UBE3D: variants seen among roughly 807,000 people sequenced by gnomAD.
UBE3D encodes E3 ubiquitin-protein ligase E3D.
In UBE3D, 48 loss-of-function variants were observed where a neutral mutation model predicts 49.6. The ratio of observed to expected loss-of-function variants is 0.97; its 90% CI spans 0.77 to 1.23. The LOEUF (loss-of-function observed/expected upper bound fraction) is 1.23. Among genes scored for constraint, UBE3D ranks in the 50% most tolerant of loss-of-function variants. The pLI is 0.00. For synonymous variants in UBE3D, 189 were observed against 174.2 expected (o/e 1.08, Z -0.67); for missense variants, 452 against 468.4 (o/e 0.96, Z 0.32).
intron 9 of UBE3D, among the ~76,000 whole-genome samples, chr6:82,936,983 C>G (rs1020108397): frequency 3.3e-5 from 5 of 152,184 alleles, no homozygotes; most frequent in Non-Finnish European, 7.3e-5. Context: ...GGTTTCATAA[C>G]AGTCATGAAG....
intron 8 of UBE3D, among the ~76,000 whole-genome samples, chr6:82,968,849 T>C (rs1777136676): frequency 6.6e-6 from 1 of 152,206 alleles, no homozygotes; most frequent in African/African-American, 2.4e-5. Flanking sequence ...TGAATTACAT[T>C]TTAAAAATTT....
chr6:83,035,786 T>G (rs867748554), intron 5 of UBE3D, among the ~76,000 whole-genome samples: 1 of 152,298 alleles, frequency 6.6e-6, no homozygotes, highest in East Asian at 1.9e-4. Context: ...GGTATTTTTG[T>G]TATTGGATAA....
At chr6:82,939,281 G>A (rs1440337236) in intron 9 of UBE3D, among the ~76,000 whole-genome samples, 2 of 152,144 alleles carry the variant, frequency 1.3e-5, no homozygotes, top group East Asian at 3.9e-4. Flanking sequence ...ACTGAATTGG[G>A]CTAGGTAGCC....
chr6:83,040,202 G>A (rs1375254074), intron 4 of UBE3D, among the ~76,000 whole-genome samples: 1 of 152,012 alleles, frequency 6.6e-6, no homozygotes. Flanking sequence ...GACCAACATG[G>A]TGAAACCCCT....
chr6:82,931,735 C>T (rs893502497), intron 9 of UBE3D, among the ~76,000 whole-genome samples: 38 of 152,170 alleles, frequency 2.5e-4, no homozygotes, highest in Admixed American at 1.4e-3. Context: ...TAGGAAGTAA[C>T]TAACTTGCTT....
At chr6:82,994,540 G>C (rs1779112919) in intron 8 of UBE3D, among the ~76,000 whole-genome samples, 1 of 152,150 alleles carries the variant, frequency 6.6e-6, no homozygotes, top group African/African-American at 2.4e-5. Context: ...ACAGAGGCAG[G>C]GGTATGATTG....
intron 8 of UBE3D, among the ~76,000 whole-genome samples, chr6:82,985,686 G>A (rs148057943): frequency 3.3e-5 from 5 of 152,182 alleles, no homozygotes; most frequent in African/African-American, 1.2e-4. Flanking sequence ...TTAAACCTCT[G>A]ATCTATTTGA....
At chr6:82,986,979 C>T (rs1778564502) in intron 8 of UBE3D, among the ~76,000 whole-genome samples, 1 of 151,790 alleles carries the variant, frequency 6.6e-6, no homozygotes, top group Admixed American at 6.6e-5. Context: ...GAGTCTTGAT[C>T]CGTCGCCCAG....
At chr6:83,027,628 C>T (rs1021601569) in intron 5 of UBE3D, among the ~76,000 whole-genome samples, 1 of 152,038 alleles carries the variant, frequency 6.6e-6, no homozygotes, top group Non-Finnish European at 1.5e-5. Flanking sequence ...TTCAGACTTC[C>T]ATTACTGCTG....
At chr6:82,970,373 TA>T (rs538664550) in intron 8 of UBE3D, among the ~76,000 whole-genome samples, 65 of 151,936 alleles carry the variant, frequency 4.3e-4, no homozygotes, top group Non-Finnish European at 8.0e-4. Context: ...GTATTGCTAA[TA>T]AAAAAAATTT....
chr6:83,033,775 C>T (rs1782049150), intron 5 of UBE3D, among the ~76,000 whole-genome samples: 1 of 152,288 alleles, frequency 6.6e-6, no homozygotes, highest in African/African-American at 2.4e-5. Flanking sequence ...ATTACCCAGT[C>T]TTGGGTATTT....
At chr6:83,042,012 C>T (rs1249730813) in intron 4 of UBE3D, among the ~76,000 whole-genome samples, 1 of 151,986 alleles carries the variant, frequency 6.6e-6, no homozygotes, top group East Asian at 1.9e-4. Flanking sequence ...CAGGTTCAAA[C>T]GATTCTCCTG....
At chr6:82,945,030 G>A (rs982164486) in intron 9 of UBE3D, among the ~76,000 whole-genome samples, 13 of 152,344 alleles carry the variant, frequency 8.5e-5, no homozygotes, top group Admixed American at 2.6e-4. Context: ...CCCAGTGGCC[G>A]GAGGAAATTG....
chr6:82,932,691 A>C (rs1774254177), intron 9 of UBE3D: 1 of 152,122 alleles, frequency 6.6e-6, no homozygotes, highest in Non-Finnish European at 1.5e-5. Context: ...ATTTATCCAC[A>C]GCTATTTGTA....
At chr6:82,963,383 A>C (rs989935315) in intron 8 of UBE3D, among the ~76,000 whole-genome samples, 1 of 152,188 alleles carries the variant, frequency 6.6e-6, no homozygotes. Context: ...ATATTATATT[A>C]GTCTTGGTTC....
intron 8 of UBE3D, among the ~76,000 whole-genome samples, chr6:82,983,215 A>G (rs955115309): frequency 6.7e-6 from 1 of 149,532 alleles, no homozygotes; most frequent in Non-Finnish European, 1.5e-5. Context: ...GTAAATATAT[A>G]TGTTGTTTTG....
chr6:82,894,364 C>T (rs566808697), intron 9 of UBE3D, among the ~76,000 whole-genome samples: 1 of 152,246 alleles, frequency 6.6e-6, no homozygotes, highest in South Asian at 2.1e-4. Flanking sequence ...CAAGGAACAT[C>T]CTATGACATC....
intron 9 of UBE3D, among the ~76,000 whole-genome samples, chr6:82,932,962 A>G (rs1463205715): frequency 6.6e-6 from 1 of 152,156 alleles, no homozygotes; most frequent in African/African-American, 2.4e-5. Flanking sequence ...GTCTGTTATA[A>G]AGAATGTGAC....
chr6:82,888,175 C>G (rs999847397), downstream of UBE3D, among the ~76,000 whole-genome samples: 2 of 151,914 alleles, frequency 1.3e-5, no homozygotes, highest in African/African-American at 4.8e-5. Context: ...GGGAAGGGTA[C>G]TGGGCAGAGG....
Sources: allele counts gnomAD v4.1 joint callset (sites outside exome capture counted in the v4.1 genomes callset), GRCh38; gene constraint gnomAD v4.1.1; transcripts MANE v1.5; gene names NCBI Gene and HGNC (gene_info 2026-07-23, HGNC 2026-07-21).